The following PLEKHO1 variants were observed in gnomAD, a reference collection of about 807,000 sequenced individuals.
The protein encoded by PLEKHO1 is pleckstrin homology domain-containing family O member 1.
Under a neutral mutation model 41.4 loss-of-function variants are expected in PLEKHO1, and 22 were observed. That is an observed-to-expected ratio of 0.53 (90% CI 0.38 to 0.76). The LOEUF (loss-of-function observed/expected upper bound fraction) is 0.76, where lower values mean the gene tolerates loss of function less well. Among genes scored for constraint, PLEKHO1 ranks in the 30% least tolerant of loss-of-function variants. PLEKHO1 has a pLI of 0.00. For missense variants in PLEKHO1, 488 were observed against 518.3 expected, an observed-to-expected ratio of 0.94 and a Z score of 0.57; for synonymous variants, 225 against 210.8, an observed-to-expected ratio of 1.07 and a Z score of -0.58.
chr1:150,158,688 C>CT, intron 5 of PLEKHO1, 131 bp from the exon 6 acceptor site: 3 of 699,684 alleles, frequency 4.3e-6, no homozygotes, highest in Non-Finnish European at 7.5e-6. Context: ...GACTCTGTCT[C>CT]TAAAAAAAAG....
chr1:150,154,366 C>G (rs1185171361), intron 2 of PLEKHO1: 4 of 152,272 alleles, frequency 2.6e-5, no homozygotes, highest in Non-Finnish European at 4.4e-5. Context: ...CTTTCCAGCC[C>G]AAAGCCAGGG....
intron 2 of PLEKHO1, chr1:150,155,726 C>T (rs587737405): frequency 5.7e-5 from 11 of 191,996 alleles, no homozygotes; most frequent in Non-Finnish European, 6.4e-5. Context: ...CCTTTAAGGA[C>T]GTGAGCCTTT....
At position 150,156,214 on chromosome 1, in the gene PLEKHO1, T is replaced by C. The variant is rs1660161630; in HGVS notation, c.318+8T>C. ...AAACAGCCCGGTAACACGGTATGTT[T>C]CTCCTGCCACCTTGGCTGCTGGAAC... is the stretch of plus-strand genomic sequence containing the variant. On this transcript the variant is annotated splice_region_variant and intron_variant, in intron 3 of 5. Coordinates refer to ENST00000369124, the MANE Select transcript of PLEKHO1 (RefSeq NM_016274.6). 6.2e-7 allele frequency: 1 copy of C among 1,611,886 alleles called. No individual in the cohort carries two copies. The highest frequency in any genetic ancestry group is 1.7e-5 in the Admixed American group (1 of 59,848).
At position 150,159,108 on chromosome 1, in the gene PLEKHO1, T is replaced by C; in HGVS notation, c.815T>C (p.Leu272Pro). 6.2e-7 allele frequency: 1 copy of C among 1,611,036 alleles called. No individual in the cohort carries two copies. The highest frequency in any genetic ancestry group is 8.5e-7 in the Non-Finnish European group (1 of 1,179,328). ...ACAGAGAAAGGCCGCTGCGCCTCCC[T>C]GGAGGAGATCCTATCTCAGCGGGAT... Reference protein sequence around the residue: ...TPTEKGRCASLEEILSQRDAA... With the variant: ...TPTEKGRCASPEEILSQRDAA... The change falls in exon 6 of 6, where the codon CTG becomes CCG. Residue 272 changes from leucine (L) to proline (P), a missense_variant. Coordinates refer to ENST00000369124, the MANE Select transcript of PLEKHO1 (RefSeq NM_016274.6).
In PLEKHO1 at chr1:150,157,424, C is replaced by A. The variant is rs782102352; in HGVS notation, c.463C>A (p.Arg155=). 1 of 1,613,844 alleles carries A rather than the reference C, an allele frequency of 6.2e-7. No homozygotes were observed. The highest frequency in any genetic ancestry group is 8.5e-7 in the Non-Finnish European group (1 of 1,179,888). ...EEDSYLAHPT[R]DRAKIQHSRR... is the part of the protein sequence containing the mutation. ...GGACAGCTATCTTGCCCATCCCACT[C>A]GAGACAGGGCAAAAATCCAGCACTC... The change falls in exon 5 of 6, where the codon CGA becomes AGA. Residue 155 remains arginine (R), a synonymous_variant. Transcript: ENST00000369124.
intron 2 of PLEKHO1, among the ~76,000 whole-genome samples, chr1:150,151,808 T>C (rs913873152): frequency 6.6e-5 from 10 of 152,238 alleles, no homozygotes; most frequent in Non-Finnish European, 1.3e-4. Context: ...ACCTGAGCTA[T>C]GATAATTGAA....
Position 150,159,856 on chromosome 1 carries a change from A to G in PLEKHO1, c.*333A>G, listed in dbSNP as rs1369923751. 1 of 217,862 alleles carries G rather than the reference A, an allele frequency of 4.6e-6. No homozygotes were observed. Among genetic ancestry groups the G allele is most frequent in the Non-Finnish European group, 9.2e-6 (1 of 108,886 alleles). 13.5% of individuals were successfully genotyped at this position (217,862 alleles called of 1,614,324 possible). A position where few individuals can be genotyped will look rare whatever the true frequency, so the allele number is the denominator to read the frequency against. Reference sequence around the variant, plus strand: ...AGGGAGTCCACTGCTGCTCCCAAGGATACAGTGGGCTTCTAAGCTTAGAGC... The same window carrying G: ...AGGGAGTCCACTGCTGCTCCCAAGGGTACAGTGGGCTTCTAAGCTTAGAGC... On this transcript the variant is annotated 3_prime_UTR_variant, in exon 6 of 6. Coordinates refer to ENST00000369124, the MANE Select transcript of PLEKHO1 (RefSeq NM_016274.6).
intron 1 of PLEKHO1, 118 bp downstream of exon 1, chr1:150,150,405 GC>G: frequency 2.7e-5 from 10 of 365,916 alleles, no homozygotes; most frequent in Non-Finnish European, 3.8e-5. Flanking sequence ...CGCCCCGGCG[GC>G]CCGGTCCCCT....
At position 150,150,296 on chromosome 1, in the gene PLEKHO1, G is replaced by A. The variant is rs782631557; in HGVS notation, c.30+9G>A. 14 of 1,096,698 alleles carry A rather than the reference G, an allele frequency of 1.3e-5. No individual in the cohort carries two copies. In the Admixed American group the frequency reaches 5.0e-4, roughly 39 times the overall value. 67.9% of individuals were successfully genotyped at this position (1,096,698 alleles called of 1,614,324 possible). ...ACAATTCCGCCAAGCGGGTGAGTGC[G>A]CTTGCCCGCCCTGCGGCCGCCGCCG... On this transcript the variant is annotated intron_variant, in intron 1 of 5. Coordinates refer to ENST00000369124, the MANE Select transcript of PLEKHO1 (RefSeq NM_016274.6).
Position 150,159,178 on chromosome 1 carries a change from A to T in PLEKHO1, c.885A>T (p.Pro295=), listed in dbSNP as rs1553821416. 6.2e-7 allele frequency: 1 copy of T among 1,612,586 alleles called. No individual in the cohort carries two copies. Among genetic ancestry groups the T allele is most frequent in the Non-Finnish European group, 8.5e-7 (1 of 1,179,354 alleles). Residue 295 remains proline (P), a synonymous_variant, in exon 6 of 6, where the codon CCA becomes CCT. Coordinates refer to ENST00000369124, the MANE Select transcript of PLEKHO1 (RefSeq NM_016274.6). Reference sequence around the variant, plus strand: ...TCCAGCTGCGGGCTGAGGAACCCCCAACCCCTGCCCTCCCCAACCCGGGGC... The same window carrying T: ...TCCAGCTGCGGGCTGAGGAACCCCCTACCCCTGCCCTCCCCAACCCGGGGC... The part of the protein sequence containing the change: ...RTLQLRAEEP[P]TPALPNPGQL...
chr1:150,158,919 T>A lies in PLEKHO1; in HGVS notation c.626T>A (p.Val209Asp), dbSNP rs782820543. Residue 209 changes from valine (V) to aspartate (D), a missense_variant, in exon 6 of 6, where the codon GTT (valine) becomes GAT (aspartate). By Grantham distance (152) the Val-to-Asp change is radical. This residue lies in a region of PLEKHO1 where 337 missense variants were observed against 324.6 expected (regional missense o/e 1.04). Transcript: ENST00000369124. ...ACCTCTTGTGCTGAGAGCTTTCGGG[T>A]TGACCTGGACAAGTCTGTGGCCCAG... ...EPTSCAESFR[V>D]DLDKSVAQLA... The A allele has an allele frequency of 6.2e-7, 1 of 1,614,042 alleles. No individual in the cohort carries two copies. The highest frequency in any genetic ancestry group is 1.1e-5 in the South Asian group (1 of 91,080).
rs959973169 is a variant in PLEKHO1 at position 150,159,081 on chromosome 1, C to T, written c.788C>T (p.Pro263Leu). 14 of 1,613,900 alleles carry T rather than the reference C, an allele frequency of 8.7e-6. No homozygotes were observed. Among genetic ancestry groups the T allele is most frequent in the Non-Finnish European group, 1.2e-5 (14 of 1,179,984 alleles). ...CCCCAGGCACCCAAGAAGTTGACGC[C>T]CACAGAGAAAGGCCGCTGCGCCTCC... is the stretch of plus-strand genomic sequence containing the variant. ...YTPQAPKKLT[P>L]TEKGRCASLE... Residue 263 changes from proline to leucine, a missense_variant, in exon 6 of 6, where the codon CCC (proline) becomes CTC (leucine). Physicochemically the swap from Pro to Leu is moderately conservative, Grantham distance 98. Coordinates refer to ENST00000369124, the MANE Select transcript of PLEKHO1 (RefSeq NM_016274.6).
At chr1:150,153,179 C>T (rs782530631) in intron 2 of PLEKHO1, among the ~76,000 whole-genome samples, 10 of 152,072 alleles carry the variant, frequency 6.6e-5, no homozygotes, top group Non-Finnish European at 1.0e-4. Context: ...AATCAAGACA[C>T]GGTGTTCTGT....
At position 150,156,138 on chromosome 1, in the gene PLEKHO1, T is replaced by A. The variant is rs1553820362; in HGVS notation, c.250T>A (p.Ser84Thr). 6.2e-7 allele frequency: 1 copy of A among 1,613,716 alleles called. No homozygotes were observed. ...TGAGAAGTGTGAAGAGCTCCGGAAG[T>A]CCAAGAGCAGGAGCAAGAAAAATCA... ...DYEKCEELRK[S>T]KSRSKKNHSK... is the part of the protein sequence containing the mutation. The change falls in exon 3 of 6, where the codon TCC becomes ACC. Residue 84 changes from serine (S) to threonine (T), a missense_variant. Physicochemically the swap from Ser to Thr is moderately conservative, Grantham distance 58. This residue lies in a region of PLEKHO1 where 59 missense variants were observed against 111.5 expected (regional missense o/e 0.53). Coordinates refer to ENST00000369124, the MANE Select transcript of PLEKHO1 (RefSeq NM_016274.6).
chr1:150,151,095 T>G (rs782126834), intron 2 of PLEKHO1, 37 bp downstream of exon 2: 1 of 1,611,232 alleles, frequency 6.2e-7, no homozygotes, highest in South Asian at 1.1e-5. Flanking sequence ...CGTTTTCTCA[T>G]AGCCCCCACT....
chr1:150,157,083 G>A, intron 4 of PLEKHO1, 68 bp downstream of exon 4: 1 of 1,023,304 alleles, frequency 9.8e-7, no homozygotes, highest in South Asian at 1.3e-5. Flanking sequence ...ACCCACTGAA[G>A]GGGGAGGATT....
chr1:150,150,090 G>C lies in PLEKHO1; in HGVS notation c.-168G>C, dbSNP rs2101680204. On this transcript the variant is annotated 5_prime_UTR_variant, in exon 1 of 6. Coordinates refer to ENST00000369124, the MANE Select transcript of PLEKHO1 (RefSeq NM_016274.6). ...GGGAGGCCGGCCTTGAGTGAAACCG[G>C]AGCTACAAAGAAGGGGAGAGTCCGG... 5.8e-6 allele frequency: 1 copy of C among 171,114 alleles called. No individual in the cohort carries two copies. The highest frequency in any genetic ancestry group is 2.4e-5 in the African/African-American group (1 of 41,664). The allele number at this position is 171,114 out of a possible 1,614,324, so 10.6% of individuals were successfully genotyped here.
chr1:150,156,398 A>C (rs1660169241), intron 3 of PLEKHO1, among the ~76,000 whole-genome samples, 192 bp downstream of exon 3: 1 of 151,864 alleles, frequency 6.6e-6, no homozygotes, highest in South Asian at 2.1e-4. Flanking sequence ...CCACCCTTTA[A>C]CCTGTTCAGC....
chr1:150,156,277 C>T (rs1660164099), intron 3 of PLEKHO1, 71 bp downstream of exon 3: 1 of 1,297,504 alleles, frequency 7.7e-7, no homozygotes. Flanking sequence ...GAACTCCTTC[C>T]CCTCAGTTTC....
Sources: allele counts gnomAD v4.1 joint callset (sites outside exome capture counted in the v4.1 genomes callset), GRCh38; gene constraint gnomAD v4.1.1; regional missense constraint gnomAD v4.1.1; transcripts MANE v1.5; gene names NCBI Gene and HGNC (gene_info 2026-07-23, HGNC 2026-07-21).